The following TAFA1 variants were observed in gnomAD, a reference collection of about 807,000 sequenced individuals.
The protein encoded by TAFA1 is chemokine-like protein TAFA-1.
In TAFA1, 4 loss-of-function variants were observed where a neutral mutation model predicts 18.5. That is an observed-to-expected ratio of 0.22 (90% CI 0.11 to 0.49). The LOEUF is 0.49. Ranked by LOEUF, TAFA1 falls within the 20% of genes least tolerant of loss-of-function variation. TAFA1 has a pLI of 0.98. For missense variants in TAFA1, 147 were observed against 169.0 expected, an observed-to-expected ratio of 0.87 and a Z score of 0.72; for synonymous variants, 56 against 55.2, an observed-to-expected ratio of 1.01 and a Z score of -0.06.
At chr3:68,081,394 T>C (rs935225230) in intron 2 of TAFA1, among the ~76,000 whole-genome samples, 1 of 151,908 alleles carries the variant, frequency 6.6e-6, no homozygotes, top group Non-Finnish European at 1.5e-5. Context: ...GCGCTCTGCT[T>C]TTTAGAGTTT....
chr3:68,393,524 C>T (rs1177164734), intron 2 of TAFA1, among the ~76,000 whole-genome samples: 4 of 152,114 alleles, frequency 2.6e-5, no homozygotes, highest in Non-Finnish European at 2.9e-5. Flanking sequence ...AGGCAAGCAT[C>T]ATCCTGATAG....
intron 2 of TAFA1, among the ~76,000 whole-genome samples, chr3:68,366,848 A>T (rs896572151): frequency 6.6e-6 from 1 of 152,228 alleles, no homozygotes; most frequent in African/African-American, 2.4e-5. Flanking sequence ...TATTATTAGA[A>T]GCAAGATTTA....
chr3:68,118,246 C>G lies in TAFA1; in HGVS notation c.118+111502C>G, dbSNP rs140244420. ...AGACAGGGACAGATCATCAGGCATTCGATTCTCAAGGAGCACACAACCTAG... is the reference window on the plus strand; with the variant it reads ...AGACAGGGACAGATCATCAGGCATTGGATTCTCAAGGAGCACACAACCTAG... On this transcript the variant is annotated intron_variant, in intron 2 of 4. Coordinates refer to ENST00000478136, the MANE Select transcript of TAFA1 (RefSeq NM_213609.4). Among the ~76,000 whole-genome samples the G allele has an allele frequency of 2.8e-3, 421 of 152,230 alleles. 3 individuals are homozygous for G. The highest frequency in any genetic ancestry group is 9.7e-3 in the African/African-American group (404 of 41,542).
At chr3:68,515,216 A>G (rs1463055651) in intron 3 of TAFA1, among the ~76,000 whole-genome samples, 3 of 152,250 alleles carry the variant, frequency 2.0e-5, no homozygotes, top group South Asian at 2.1e-4. Flanking sequence ...TAAGAGTCTA[A>G]AAAGGGTGGG....
At chr3:68,439,035 A>G (rs764133931) in intron 3 of TAFA1, among the ~76,000 whole-genome samples, 5 of 151,994 alleles carry the variant, frequency 3.3e-5, no homozygotes, top group Non-Finnish European at 5.9e-5. Context: ...TGCCTTTGGG[A>G]TCTTTCTTCC....
chr3:68,210,893 A>C (rs1036588616), intron 2 of TAFA1, among the ~76,000 whole-genome samples: 3 of 151,968 alleles, frequency 2.0e-5, no homozygotes, highest in Admixed American at 2.0e-4. Flanking sequence ...ATGATGTTGT[A>C]ATTCAAATAT....
chr3:68,485,919 C>T (rs2072327536), intron 3 of TAFA1, among the ~76,000 whole-genome samples: 1 of 151,946 alleles, frequency 6.6e-6, no homozygotes, highest in Non-Finnish European at 1.5e-5. Flanking sequence ...AAATGGAGAA[C>T]TTTCCTTCAC....
intron 4 of TAFA1, among the ~76,000 whole-genome samples, chr3:68,539,345 C>T (rs1180725778): frequency 6.6e-6 from 1 of 152,042 alleles, no homozygotes; most frequent in African/African-American, 2.4e-5. Context: ...GGAGTGAATA[C>T]ATCATTCTTT....
intron 2 of TAFA1, among the ~76,000 whole-genome samples, chr3:68,363,919 T>G (rs902868542): frequency 3.9e-5 from 6 of 152,196 alleles, no homozygotes. Flanking sequence ...CTGCAGTGTC[T>G]CAGGGGTCAC....
chr3:68,405,795 C>T (rs1164474381), intron 2 of TAFA1, among the ~76,000 whole-genome samples: 1 of 144,068 alleles, frequency 6.9e-6, no homozygotes, highest in Non-Finnish European at 1.5e-5. Flanking sequence ...CCCACCACTG[C>T]AGGAAGAGCT....
At chr3:68,040,199 T>A (rs1172575924) in intron 2 of TAFA1, among the ~76,000 whole-genome samples, 1 of 152,206 alleles carries the variant, frequency 6.6e-6, no homozygotes, top group Non-Finnish European at 1.5e-5. Flanking sequence ...GGACCTTAAG[T>A]CTTGGCTTGC....
intron 2 of TAFA1, among the ~76,000 whole-genome samples, chr3:68,215,347 T>TTAA (rs2066644317): frequency 6.6e-6 from 1 of 152,042 alleles, no homozygotes; most frequent in African/African-American, 2.4e-5. Flanking sequence ...CTTTGCCCAG[T>TTAA]TAATCTTCAC....
At chr3:68,491,958 A>C (rs62248570) in intron 3 of TAFA1, among the ~76,000 whole-genome samples, 2 of 152,236 alleles carry the variant, frequency 1.3e-5, no homozygotes, top group Admixed American at 1.3e-4. Flanking sequence ...TCTGTTCTAC[A>C]TCAAACTGTA....
At chr3:68,487,938 C>T (rs533462092) in intron 3 of TAFA1, among the ~76,000 whole-genome samples, 3 of 152,164 alleles carry the variant, frequency 2.0e-5, no homozygotes, top group East Asian at 3.9e-4. Flanking sequence ...GAAGCCGCTA[C>T]GTGATCTGGC....
At chr3:68,501,956 G>C (rs888042036) in intron 3 of TAFA1, among the ~76,000 whole-genome samples, 1 of 152,106 alleles carries the variant, frequency 6.6e-6, no homozygotes, top group Non-Finnish European at 1.5e-5. Flanking sequence ...TCTCCTCCAG[G>C]AAAGAAAATC....
intron 2 of TAFA1, among the ~76,000 whole-genome samples, chr3:68,323,616 T>G (rs1245700025): frequency 6.6e-6 from 1 of 152,106 alleles, no homozygotes; most frequent in Non-Finnish European, 1.5e-5. Context: ...AGTTTTAAGC[T>G]GAAAGGGGAG....
chr3:68,541,042 A>G (rs1377428086), intron 4 of TAFA1, among the ~76,000 whole-genome samples: 2 of 152,186 alleles, frequency 1.3e-5, no homozygotes, highest in Admixed American at 6.5e-5. Flanking sequence ...ACAAACTGCC[A>G]TTGCAGTCGG....
At chr3:68,176,198 C>T (rs571663475) in intron 2 of TAFA1, among the ~76,000 whole-genome samples, 95 of 152,302 alleles carry the variant, frequency 6.2e-4, no homozygotes, top group African/African-American at 2.3e-3. Context: ...ATACAGTTTA[C>T]AGGCAGGATG....
intron 3 of TAFA1, among the ~76,000 whole-genome samples, chr3:68,429,344 A>G (rs567911255): frequency 6.6e-6 from 1 of 151,886 alleles, no homozygotes; most frequent in Non-Finnish European, 1.5e-5. Context: ...TATCATCCTT[A>G]TAATAGCCTT....
Sources: allele counts gnomAD v4.1 joint callset (sites outside exome capture counted in the v4.1 genomes callset), GRCh38; gene constraint gnomAD v4.1.1; transcripts MANE v1.5; gene names NCBI Gene and HGNC (gene_info 2026-07-23, HGNC 2026-07-21).